MAGI1: variants seen among roughly 807,000 people sequenced by gnomAD.
The protein encoded by MAGI1 is membrane associated guanylate kinase, WW and PDZ domain containing 1.
Under a neutral mutation model 139.9 loss-of-function variants are expected in MAGI1, and 58 were observed. The ratio of observed to expected loss-of-function variants is 0.41; its 90% CI spans 0.34 to 0.52. The LOEUF is 0.52. MAGI1 is among the 20% of genes least tolerant of loss of function. The pLI, the probability that MAGI1 is intolerant of heterozygous loss-of-function variation, is 0.12. For synonymous variants in MAGI1, 812 were observed against 737.9 expected (o/e 1.10, Z -1.63); for missense variants, 1,874 against 1,901.6 (o/e 0.99, Z 0.27).
intron 1 of MAGI1, among the ~76,000 whole-genome samples, chr3:65,690,406 GT>G (rs2088477106): frequency 6.6e-6 from 1 of 152,168 alleles, no homozygotes; most frequent in Non-Finnish European, 1.5e-5. Context: ...TAGCAGAAAT[GT>G]TTTAAAATGC....
chr3:65,490,109 A>C (rs1296113471), intron 3 of MAGI1, among the ~76,000 whole-genome samples: 6 of 152,170 alleles, frequency 3.9e-5, no homozygotes, highest in Non-Finnish European at 8.8e-5. Context: ...TACAGGAGCA[A>C]TTTTGAACTA....
chr3:65,696,621 T>C (rs1035897860), intron 1 of MAGI1, among the ~76,000 whole-genome samples: 1 of 149,760 alleles, frequency 6.7e-6, no homozygotes, highest in South Asian at 2.1e-4. Context: ...AGCTTCATGT[T>C]TTTTTTCCCT....
At chr3:65,560,242 G>A (rs150283776) in intron 2 of MAGI1, among the ~76,000 whole-genome samples, 2 of 152,032 alleles carry the variant, frequency 1.3e-5, no homozygotes, top group Non-Finnish European at 2.9e-5. Flanking sequence ...CATTACTGCC[G>A]CTAAATCAGC....
chr3:65,580,151 A>C (rs926163820), intron 2 of MAGI1, among the ~76,000 whole-genome samples: 2 of 152,164 alleles, frequency 1.3e-5, no homozygotes, highest in African/African-American at 4.8e-5. Flanking sequence ...TAGGAAAAAA[A>C]TTTAAAATGA....
intron 1 of MAGI1, among the ~76,000 whole-genome samples, chr3:66,036,234 C>T (rs1442981981): frequency 6.6e-6 from 1 of 152,188 alleles, no homozygotes; most frequent in African/African-American, 2.4e-5. Flanking sequence ...CTTTATGGAG[C>T]ACTTACTATG....
intron 1 of MAGI1, among the ~76,000 whole-genome samples, chr3:65,765,227 G>C (rs753946716): frequency 6.6e-6 from 1 of 152,160 alleles, no homozygotes; most frequent in East Asian, 1.9e-4. Context: ...ATTTGGCAAA[G>C]ACAATGAATC....
chr3:65,756,430 C>G (rs2107849059), intron 1 of MAGI1, among the ~76,000 whole-genome samples: 1 of 152,274 alleles, frequency 6.6e-6, no homozygotes, highest in East Asian at 1.9e-4. Context: ...CTTTAAATAG[C>G]TCATAAAAAC....
At chr3:65,955,483 T>G (rs552054891) in intron 1 of MAGI1, among the ~76,000 whole-genome samples, 19 of 152,258 alleles carry the variant, frequency 1.2e-4, no homozygotes, top group Admixed American at 5.2e-4. Context: ...GCAGGGCAAA[T>G]GAAGCAGGAG....
intron 1 of MAGI1, among the ~76,000 whole-genome samples, chr3:65,724,810 A>C (rs1022257815): frequency 6.6e-6 from 1 of 152,162 alleles, no homozygotes; most frequent in Non-Finnish European, 1.5e-5. Flanking sequence ...AAAGAGGGGA[A>C]GAGCACCTCA....
chr3:65,441,169 C>T (rs1242196718), intron 8 of MAGI1, among the ~76,000 whole-genome samples: 1 of 152,030 alleles, frequency 6.6e-6, no homozygotes, highest in Admixed American at 6.6e-5. Context: ...CCATGTAGGC[C>T]AGGCTGGTCT....
At chr3:65,982,854 C>T (rs1291000006) in intron 1 of MAGI1, among the ~76,000 whole-genome samples, 1 of 152,110 alleles carries the variant, frequency 6.6e-6, no homozygotes, top group African/African-American at 2.4e-5. Context: ...AGCACAAGTC[C>T]TGGCTTACTT....
intron 1 of MAGI1, among the ~76,000 whole-genome samples, chr3:65,864,687 C>T (rs536460373): frequency 3.3e-5 from 5 of 152,268 alleles, no homozygotes; most frequent in South Asian, 2.1e-4. Context: ...ACTCTGCCTC[C>T]GTAACTCTGC....
At chr3:65,366,682 C>T (rs568581878) in intron 18 of MAGI1, among the ~76,000 whole-genome samples, 2 of 152,138 alleles carry the variant, frequency 1.3e-5, no homozygotes, top group South Asian at 2.1e-4. Flanking sequence ...CTCGTGTGCA[C>T]ATTGGGAATA....
Position 65,375,807 on chromosome 3 carries a change from T to G in MAGI1, c.3134A>C (p.Asp1045Ala). The G allele has an allele frequency of 6.2e-7, 1 of 1,614,122 alleles. No individual in the cohort carries two copies. The highest frequency in any genetic ancestry group is 1.3e-5 in the African/African-American group (1 of 75,022). Residue 1045 changes from aspartate to alanine, a missense_variant, in exon 18 of 23, where the codon GAC becomes GCC. Coordinates refer to ENST00000402939, the MANE Select transcript of MAGI1 (RefSeq NM_001033057.2). ...CGCTTCCTTGATTAGGTTCACAATG[T>G]CTGAATGGGATTTGTTGGTGATGGA... ...GCSITNKSHS[D>A]IVNLIKEAGN...
chr3:65,465,314 C>G (rs1209594750), intron 5 of MAGI1, among the ~76,000 whole-genome samples: 1 of 150,322 alleles, frequency 6.7e-6, no homozygotes, highest in East Asian at 1.9e-4. Context: ...CCATTCTTCT[C>G]TTTTCCTCAT....
At chr3:65,399,734 T>G (rs938094718) in intron 13 of MAGI1, among the ~76,000 whole-genome samples, 21 of 152,364 alleles carry the variant, frequency 1.4e-4, no homozygotes, top group Non-Finnish European at 2.6e-4. Flanking sequence ...TTCTCTTAAC[T>G]GACTTGGTGA....
intron 1 of MAGI1, among the ~76,000 whole-genome samples, chr3:65,700,314 T>C (rs1338607210): frequency 6.6e-6 from 1 of 152,054 alleles, no homozygotes; most frequent in Admixed American, 6.6e-5. Context: ...TGGTGGTGCA[T>C]TCCTGTAATC....
At chr3:65,549,205 T>C (rs1333317068) in intron 2 of MAGI1, among the ~76,000 whole-genome samples, 4 of 152,088 alleles carry the variant, frequency 2.6e-5, no homozygotes, top group Non-Finnish European at 4.4e-5. Flanking sequence ...AGGGGGAACT[T>C]GAACGCCCGG....
At chr3:65,377,706 C>T (rs1942664069) in intron 17 of MAGI1, among the ~76,000 whole-genome samples, 1 of 152,120 alleles carries the variant, frequency 6.6e-6, no homozygotes, top group Admixed American at 6.5e-5. Context: ...AAAACAAAAC[C>T]AAAAAACCTT....
Sources: allele counts gnomAD v4.1 joint callset (sites outside exome capture counted in the v4.1 genomes callset), GRCh38; gene constraint gnomAD v4.1.1; transcripts MANE v1.5; gene names NCBI Gene and HGNC (gene_info 2026-07-23, HGNC 2026-07-21).